IFT80: variants seen among roughly 807,000 people sequenced by gnomAD.
IFT80 encodes the protein intraflagellar transport 80.
IFT80 carries 79 observed loss-of-function variants against 107.9 expected under a neutral mutation model. The ratio of observed to expected loss-of-function variants is 0.73; its 90% confidence interval spans 0.61 to 0.88. The LOEUF is 0.88. Among genes scored for constraint, IFT80 ranks in the 40% least tolerant of loss-of-function variants. IFT80 has a pLI of 0.00. For missense variants in IFT80, 797 were observed against 914.2 expected (o/e 0.87, Z 1.65); for synonymous variants, 299 against 300.9 (o/e 0.99, Z 0.07).
intron 4 of IFT80, among the ~76,000 whole-genome samples, chr3:160,376,775 C>G (rs1408664525): frequency 6.6e-6 from 1 of 152,194 alleles, no homozygotes; most frequent in Admixed American, 6.5e-5. Context: ...TATGGAGATG[C>G]CCATGTGGCA....
At chr3:160,398,285 C>A (rs1032611567) in intron 1 of IFT80, among the ~76,000 whole-genome samples, 2 of 152,070 alleles carry the variant, frequency 1.3e-5, no homozygotes, top group African/African-American at 4.8e-5. Context: ...CTGAACCTGA[C>A]TTCATGCTCT....
At chr3:160,387,986 T>C (rs889888893) in intron 1 of IFT80, among the ~76,000 whole-genome samples, 3 of 152,180 alleles carry the variant, frequency 2.0e-5, no homozygotes, top group African/African-American at 7.2e-5. Flanking sequence ...TTGGTAATGA[T>C]AAGATAGGTT....
intron 8 of IFT80, among the ~76,000 whole-genome samples, chr3:160,336,240 G>GACCTCC (rs1413061520): frequency 1.3e-5 from 2 of 152,136 alleles, no homozygotes; most frequent in Admixed American, 1.3e-4. Flanking sequence ...AAGTGGAGGG[G>GACCTCC]TTACTTTCTA....
chr3:160,307,039 T>C (rs1716879799), intron 10 of IFT80, among the ~76,000 whole-genome samples: 1 of 152,142 alleles, frequency 6.6e-6, no homozygotes, highest in African/African-American at 2.4e-5. Context: ...AGTATTATAG[T>C]GGTTATGTGA....
intron 9 of IFT80, among the ~76,000 whole-genome samples, chr3:160,316,910 A>C (rs1279501541): frequency 6.6e-6 from 1 of 152,202 alleles, no homozygotes; most frequent in Non-Finnish European, 1.5e-5. Context: ...GTTGAGGAAG[A>C]GAAAGAGATG....
At chr3:160,272,043 G>T (rs76970486) in intron 18 of IFT80, among the ~76,000 whole-genome samples, 2,242 of 151,930 alleles carry the variant, frequency 0.015, 32 homozygotes, top group Non-Finnish European at 0.022. Context: ...CCACAAAGAT[G>T]CAATGTTTGT....
chr3:160,356,119 T>A lies in IFT80; in HGVS notation c.671A>T (p.Asn224Ile). Reference protein sequence around the residue: ...VWDSYGRPLYNSQPHEHPITS... With the variant: ...VWDSYGRPLYISQPHEHPITS... The stretch of plus-strand genomic sequence containing the variant: ...AATGGGATGCTCATGAGGTTGTGAA[T>A]TGTACAGTGGGCGGCCGTAACTATC... The change falls in exon 8 of 20, where the codon AAT becomes ATT. Residue 224 changes from asparagine to isoleucine, a missense_variant. Asn to Ile is a moderately radical substitution (Grantham distance 149, BLOSUM62 -3). Transcript: ENST00000326448. 6.2e-7 allele frequency: 1 copy of A among 1,614,178 alleles called. No individual in the cohort carries two copies. The highest frequency in any genetic ancestry group is 8.5e-7 in the Non-Finnish European group (1 of 1,179,996).
chr3:160,272,301 T>A (rs2108216714), intron 18 of IFT80, among the ~76,000 whole-genome samples: 1 of 152,256 alleles, frequency 6.6e-6, no homozygotes, highest in Admixed American at 6.5e-5. Flanking sequence ...TGTTTACTTT[T>A]GAAGGTATGA....
Position 160,365,939 on chromosome 3 carries a change from G to T in IFT80, c.549+104C>A, listed in dbSNP as rs2108377596. On this transcript the variant is annotated intron_variant, in intron 6 of 19. Coordinates refer to ENST00000326448, the MANE Select transcript of IFT80 (RefSeq NM_020800.3). ...GATTAAACCATGTACTTAAAGACCA[G>T]ACTGTAAAAAGACCACCCAGAAGAA... The T allele has an allele frequency of 6.1e-6, 5 of 813,620 alleles. No individual in the cohort carries two copies. The East Asian group carries it at 9.8e-5, about 16-fold the overall frequency. 50.4% of individuals were successfully genotyped at this position (813,620 alleles called of 1,614,324 possible).
intron 1 of IFT80, among the ~76,000 whole-genome samples, chr3:160,395,991 T>G (rs1713746589): frequency 6.6e-6 from 1 of 152,086 alleles, no homozygotes; most frequent in African/African-American, 2.4e-5. Flanking sequence ...CTTACAATCT[T>G]AAAAACCTAA....
Position 160,297,386 on chromosome 3 carries a change from T to C in IFT80, c.1315+3497A>G, listed in dbSNP as rs867814426. ...AATAGGATTACAAGAAATGAAAAGA[T>C]AGAAATGGCATAAGAGAGAAGTGGC... On this transcript the variant is annotated intron_variant, in intron 12 of 19. Transcript: ENST00000326448. Among the ~76,000 whole-genome samples the C allele has an allele frequency of 9.9e-5, 15 of 152,222 alleles. No individual in the cohort carries two copies. In the Middle Eastern group the frequency reaches 0.014, roughly 138 times the overall value.
chr3:160,291,606 G>A (rs1282367334), intron 12 of IFT80, among the ~76,000 whole-genome samples: 2 of 152,186 alleles, frequency 1.3e-5, no homozygotes, highest in Non-Finnish European at 2.9e-5. Flanking sequence ...ACAGAAGAAG[G>A]TGAAAACAAA....
rs114507684 is a variant in IFT80 at position 160,348,240 on chromosome 3, T to C, written c.777+7773A>G. 7.8e-3 allele frequency among the ~76,000 whole-genome samples: 1,181 copies of C among 152,336 alleles called. 22 individuals carry two copies. The highest frequency in any genetic ancestry group is 0.027 in the African/African-American group (1,132 of 41,580). On this transcript the variant is annotated intron_variant, in intron 8 of 19. Coordinates refer to ENST00000326448, the MANE Select transcript of IFT80 (RefSeq NM_020800.3). ...TTGGCTATTTTTCTAGATAATTTCT[T>C]GAACAATGAAATTCAAACGGTAGCT...
chr3:160,337,565 A>T (rs1719589433), intron 8 of IFT80, among the ~76,000 whole-genome samples: 1 of 152,170 alleles, frequency 6.6e-6, no homozygotes, highest in Non-Finnish European at 1.5e-5. Flanking sequence ...CTGAGGTTGC[A>T]GCGAGCTGAG....
chr3:160,340,511 C>T (rs2108332976), intron 8 of IFT80, among the ~76,000 whole-genome samples: 1 of 152,316 alleles, frequency 6.6e-6, no homozygotes, highest in South Asian at 2.1e-4. Context: ...CTTGATCATT[C>T]AGATTGTAGG....
At position 160,269,121 on chromosome 3, in the gene IFT80, C is replaced by T. The variant is rs556930284; in HGVS notation, c.2100-585G>A. Among the ~76,000 whole-genome samples, 405 of 151,092 alleles carry T rather than the reference C, an allele frequency of 2.7e-3. 1 individual carries two copies. Among genetic ancestry groups the T allele is most frequent in the Non-Finnish European group, 4.5e-3 (306 of 67,890 alleles). On this transcript the variant is annotated intron_variant, in intron 18 of 19. Coordinates refer to ENST00000326448, the MANE Select transcript of IFT80 (RefSeq NM_020800.3). The stretch of plus-strand genomic sequence containing the variant: ...GTACATGCCTGTAACCCCAACTACT[C>T]GGGAGGCTGAGGCGGGAGAATCGCT...
At position 160,258,383 on chromosome 3, in the gene IFT80, T is replaced by C. The variant is rs2108189297; in HGVS notation, c.*142A>G. 3.1e-6 allele frequency: 3 copies of C among 976,472 alleles called. No individual in the cohort carries two copies. Among genetic ancestry groups the C allele is most frequent in the Middle Eastern group, 3.1e-4 (1 of 3,182 alleles). 60.5% of individuals were successfully genotyped at this position (976,472 alleles called of 1,614,324 possible). The stretch of plus-strand genomic sequence containing the variant: ...TTACTTTGTGTTTCATCTTTCTGCA[T>C]GTACTTTTACACTAAATACACAGCA... On this transcript the variant is annotated 3_prime_UTR_variant, in exon 20 of 20. Transcript: ENST00000326448.
intron 9 of IFT80, among the ~76,000 whole-genome samples, chr3:160,313,657 T>C (rs112036095): frequency 0.17 from 25,993 of 151,022 alleles, 2,619 homozygotes; most frequent in Non-Finnish European, 0.23. Flanking sequence ...TCACCCAGGC[T>C]GGAGTGCAGT....
At chr3:160,313,489 C>T (rs1380144887) in intron 9 of IFT80, among the ~76,000 whole-genome samples, 1 of 151,952 alleles carries the variant, frequency 6.6e-6, no homozygotes, top group African/African-American at 2.4e-5. Context: ...ATCTGGTACA[C>T]TTGAACCAAA....
Sources: gnomAD v4.1 joint callset for allele counts (sites outside exome capture counted in the v4.1 genomes callset) on GRCh38, gnomAD v4.1.1 for gene constraint, MANE v1.5 for transcripts, NCBI Gene and HGNC (gene_info 2026-07-23, HGNC 2026-07-21) for gene names.